ALOX12B: variants seen among roughly 807,000 people sequenced by gnomAD.
ALOX12B encodes arachidonate 12-lipoxygenase, 12R type, also known as arachidonate 12-lipoxygenase, 12R-type.
Under a neutral mutation model 78.9 loss-of-function variants are expected in ALOX12B, and 47 were observed. The observed-to-expected ratio is 0.60, with a 90% CI of 0.47 to 0.76. The LOEUF (loss-of-function observed/expected upper bound fraction) is 0.76. Among genes scored for constraint, ALOX12B ranks in the 30% least tolerant of loss-of-function variants. The probability of loss-of-function intolerance (pLI) is 0.00; values close to 1 mark genes in which losing one functional copy is unlikely to be tolerated. For synonymous variants in ALOX12B, 370 were observed against 374.5 expected (o/e 0.99, Z 0.14); for missense variants, 805 against 922.6 (o/e 0.87, Z 1.65).
Position 8,086,106 on chromosome 17 carries a change from GCA to G in ALOX12B, c.260_261del (p.Val87AlafsTer37). ...FPKDPWYCNY[V>X]QICAPNGRIY... ...ATACGGCCGTTGGGGGCACAGATCT[GCA>G]CATAGTTGCAGTACCAAGGGTCCTT... On this transcript the variant is annotated frameshift_variant, in exon 2 of 15. Coordinates refer to ENST00000647874, the MANE Select transcript of ALOX12B (RefSeq NM_001139.3). LOFTEE classifies it high-confidence loss of function. 6.2e-7 allele frequency: 1 copy of G among 1,614,140 alleles called. No individual in the cohort carries two copies.
At chr17:8,073,786 C>A in intron 12 of ALOX12B, 29 bp from the exon 13 acceptor site, 1 of 1,589,632 alleles carries the variant, frequency 6.3e-7, no homozygotes, top group Non-Finnish European at 8.6e-7. Context: ...GCCCAGGCGA[C>A]ATCAGTCGTG....
chr17:8,078,661 C>G (rs1977139848), intron 8 of ALOX12B, among the ~76,000 whole-genome samples: 1 of 152,126 alleles, frequency 6.6e-6, no homozygotes, highest in Admixed American at 6.5e-5. Context: ...TTCTGTACCT[C>G]AGGGGACCAA....
Position 8,079,724 on chromosome 17 carries a change from G to A in ALOX12B, c.927+45C>T. The A allele has an allele frequency of 6.3e-7, 1 of 1,589,262 alleles. No homozygotes were observed. The highest frequency in any genetic ancestry group is 8.6e-7 in the Non-Finnish European group (1 of 1,169,508). ...GGGGAGAGACGGGGATGCCCGCGAG[G>A]GAGGCCGGGAGGAGGGCCGGGGTCT... is the stretch of plus-strand genomic sequence containing the variant. On this transcript the variant is annotated intron_variant, in intron 7 of 14. Coordinates refer to ENST00000647874, the MANE Select transcript of ALOX12B (RefSeq NM_001139.3). This position sits in a 1 kb window ranked among gnomAD's most constrained non-coding sequence, Gnocchi z 6.4.
At position 8,073,500 on chromosome 17, in the gene ALOX12B, G is replaced by A. The variant is rs375662205; in HGVS notation, c.1755+157C>T. ...TGTGGGGCTGGGGCTGAGAGTTGGG[G>A]CTGAGGCTCGGTTTCCGTTGGGACT... On this transcript the variant is annotated intron_variant, in intron 13 of 14. Transcript: ENST00000647874. Among the ~76,000 whole-genome samples the A allele has an allele frequency of 4.6e-5, 7 of 152,142 alleles. No homozygotes were observed. In the East Asian group the frequency reaches 7.7e-4, roughly 17 times the overall value.
Position 8,072,719 on chromosome 17 carries a change from G to T in ALOX12B, c.*52C>A. 2.5e-6 allele frequency: 4 copies of T among 1,608,056 alleles called. No individual in the cohort carries two copies. Among genetic ancestry groups the T allele is most frequent in the Non-Finnish European group, 3.4e-6 (4 of 1,174,516 alleles). ...GTTTTTTGCTTGTTTGTTTTGTTTT[G>T]TTGAAAATAGTAGGGCACAGAATGG... is the stretch of plus-strand genomic sequence containing the variant. On this transcript the variant is annotated 3_prime_UTR_variant, in exon 15 of 15. Transcript: ENST00000647874.
At chr17:8,081,230 C>T in intron 2 of ALOX12B, 43 bp from the exon 3 acceptor site, 1 of 1,586,760 alleles carries the variant, frequency 6.3e-7, no homozygotes, top group Non-Finnish European at 8.7e-7. Context: ...TGACCCTTGC[C>T]CCTGCCCACT....
Position 8,077,168 on chromosome 17 carries a change from C to T in ALOX12B, c.1097G>A (p.Cys366Tyr), listed in dbSNP as rs1977105091. The T allele has an allele frequency of 6.2e-7, 1 of 1,613,344 alleles. No individual in the cohort carries two copies. Among genetic ancestry groups the T allele is most frequent in the Non-Finnish European group, 8.5e-7 (1 of 1,179,772 alleles). Residue 366 changes from cysteine to tyrosine, a missense_variant, in exon 9 of 15, where the codon TGC becomes TAC. Coordinates refer to ENST00000647874, the MANE Select transcript of ALOX12B (RefSeq NM_001139.3). ...AGAATCACTGGGCAGGAAGATGGGG[C>T]AATCTGGCCCAGGGGTCTGGCTGAG... ...IQLSQTPGPDCPIFLPSDSEW... is the reference protein window; with the variant it reads ...IQLSQTPGPDYPIFLPSDSEW...
At chr17:8,074,496 T>A (rs1977043530) in intron 12 of ALOX12B, among the ~76,000 whole-genome samples, 1 of 144,316 alleles carries the variant, frequency 6.9e-6, no homozygotes, top group East Asian at 2.4e-4. Context: ...ACTCAAACCA[T>A]CACCCAGTCC....
chr17:8,084,520 C>T (rs1567984749), intron 2 of ALOX12B, among the ~76,000 whole-genome samples: 1 of 152,188 alleles, frequency 6.6e-6, no homozygotes, highest in Non-Finnish European at 1.5e-5. Flanking sequence ...GCCTGGCCAC[C>T]AGCATCACCC....
At chr17:8,081,386 CTCT>C in intron 2 of ALOX12B, 199 bp from the exon 3 acceptor site, 1 of 655,890 alleles carries the variant, frequency 1.5e-6, no homozygotes, top group Non-Finnish European at 2.8e-6. Flanking sequence ...ACCCTCTTTC[CTCT>C]TGCTCTACTG....
Position 8,079,818 on chromosome 17 carries a change from ATGTCGTCTG to A in ALOX12B, c.869_877del (p.Thr290_Asp292del). Reference sequence around the variant, plus strand: ...TCCCTCGCCCAGGAACGGAGCCACCATGTCGTCTGTGACGGGGAACTTGTCTGGGATCCG... The same window carrying A: ...TCCCTCGCCCAGGAACGGAGCCACCATGACGGGGAACTTGTCTGGGATCCG... On this transcript the variant is annotated inframe_deletion, in exon 7 of 15. Transcript: ENST00000647874. The surrounding 1 kb of genome is among the most constrained non-coding windows in gnomAD (Gnocchi z 6.4). The A allele has an allele frequency of 6.2e-7, 1 of 1,613,460 alleles. No individual in the cohort carries two copies. Among genetic ancestry groups the A allele is most frequent in the Non-Finnish European group, 8.5e-7 (1 of 1,179,934 alleles).
chr17:8,087,237 GACACACAC>G (rs573151221), intron 1 of ALOX12B, 51 bp downstream of exon 1: 4 of 871,546 alleles, frequency 4.6e-6, no homozygotes, highest in Non-Finnish European at 1.5e-6. Context: ...GACACACACA[GACACACAC>G]ACACACACAC....
At chr17:8,086,887 G>A (rs1259747662) in intron 1 of ALOX12B, among the ~76,000 whole-genome samples, 2 of 152,050 alleles carry the variant, frequency 1.3e-5, no homozygotes, top group Non-Finnish European at 2.9e-5. Context: ...AAGGAAAGCA[G>A]GTGGAAAGGA....
chr17:8,085,989 G>A (rs112810992), intron 2 of ALOX12B, 27 bp downstream of exon 2: 18 of 1,612,600 alleles, frequency 1.1e-5, no homozygotes, highest in Non-Finnish European at 1.5e-5. Flanking sequence ...CACGGCCATA[G>A]GATGGAGCAG....
At chr17:8,076,515 A>G in intron 10 of ALOX12B, 142 bp downstream of exon 10, 2 of 1,288,418 alleles carry the variant, frequency 1.6e-6, no homozygotes, top group South Asian at 1.3e-5. Flanking sequence ...CTTTCTAGAC[A>G]GGAGAACCAA....
At position 8,080,463 on chromosome 17, in the gene ALOX12B, T is replaced by C; in HGVS notation, c.651-125A>G. Reference sequence around the variant, plus strand: ...CAGGGTCTGTGCGTCGCAAAGTCTCTGGGTCCCATGTCTCAAGATCTTTGC... The same window carrying C: ...CAGGGTCTGTGCGTCGCAAAGTCTCCGGGTCCCATGTCTCAAGATCTTTGC... On this transcript the variant is annotated intron_variant, in intron 5 of 14. Coordinates refer to ENST00000647874, the MANE Select transcript of ALOX12B (RefSeq NM_001139.3). This position sits in a 1 kb window ranked among gnomAD's most constrained non-coding sequence, Gnocchi z 4.8. 1 of 1,395,156 alleles carries C rather than the reference T, an allele frequency of 7.2e-7. No homozygotes were observed. Among genetic ancestry groups the C allele is most frequent in the Non-Finnish European group, 1.0e-6 (1 of 987,174 alleles). The allele number at this position is 1,395,156 out of a possible 1,614,324, so 86.4% of individuals were successfully genotyped here. A position where few individuals can be genotyped will look rare whatever the true frequency, so the allele number is the denominator to read the frequency against.
Position 8,079,498 on chromosome 17 carries a change from G to T in ALOX12B, c.969C>A (p.Gly323=), listed in dbSNP as rs1324142167. Residue 323 remains glycine, a synonymous_variant, in exon 8 of 15, where the codon GGC becomes GGA. Coordinates refer to ENST00000647874, the MANE Select transcript of ALOX12B (RefSeq NM_001139.3). The surrounding 1 kb of genome is among the most constrained non-coding windows in gnomAD (Gnocchi z 6.4). ...IYLADYRIME[G]IPTVELSGRK... ...GGCCGCTGAGCTCCACGGTGGGGATGCCCTCCATGATGCGGTAGTCGGCCA... is the reference window on the plus strand; with the variant it reads ...GGCCGCTGAGCTCCACGGTGGGGATTCCCTCCATGATGCGGTAGTCGGCCA... 2 of 1,550,964 alleles carry T rather than the reference G, an allele frequency of 1.3e-6. No individual in the cohort carries two copies. The highest frequency in any genetic ancestry group is 2.4e-5 in the East Asian group (1 of 40,946).
rs1977013766 is a variant in ALOX12B, at chr17:8,073,030, C to A, written c.1927-80G>T. On this transcript the variant is annotated intron_variant, in intron 14 of 14. Coordinates refer to ENST00000647874, the MANE Select transcript of ALOX12B (RefSeq NM_001139.3). ...CTGCCGGTGGCCCTGGCCCCTCCACCCTTTGGTTTCAGTGGCCTCTCACTC... is the reference window on the plus strand; with the variant it reads ...CTGCCGGTGGCCCTGGCCCCTCCACACTTTGGTTTCAGTGGCCTCTCACTC... The A allele has an allele frequency of 2.5e-6, 4 of 1,597,672 alleles. No homozygotes were observed. The African/African-American group carries it at 4.0e-5, about 16-fold the overall frequency.
chr17:8,073,573 AGGCTGGGTTTGAGGTT>A lies in ALOX12B; in HGVS notation c.1755+68_1755+83del, dbSNP rs762458743. ...GAGGCTGGACCAGGGATTATGGCTG[AGGCTGGGTTTGAGGTT>A]GGGGCATGGACGAAATTTAGAAGGT... On this transcript the variant is annotated intron_variant, in intron 13 of 14. Coordinates refer to ENST00000647874, the MANE Select transcript of ALOX12B (RefSeq NM_001139.3). 880 of 1,298,150 alleles carry A rather than the reference AGGCTGGGTTTGAGGTT, an allele frequency of 6.8e-4. 3 individuals are homozygous for A. The highest frequency in any genetic ancestry group is 9.4e-4 in the Non-Finnish European group (847 of 902,964). The allele number at this position is 1,298,150 out of a possible 1,614,324, so 80.4% of individuals were successfully genotyped here.
Sources: gnomAD v4.1 joint callset for allele counts (sites outside exome capture counted in the v4.1 genomes callset) on GRCh38, gnomAD v4.1.1 for gene constraint, Gnocchi (gnomAD v3.1) non-coding constraint, MANE v1.5 for transcripts, NCBI Gene and HGNC (gene_info 2026-07-23, HGNC 2026-07-21) for gene names.